Variants in NKAIN2 observed in about 807,000 individuals in gnomAD.
The protein encoded by NKAIN2 is sodium/potassium-transporting ATPase subunit beta-1-interacting protein 2.
In NKAIN2, 14 loss-of-function variants were observed where a neutral mutation model predicts 32.6. The ratio of observed to expected loss-of-function variants is 0.43; its 90% confidence interval spans 0.28 to 0.67. The LOEUF (loss-of-function observed/expected upper bound fraction) is 0.67, where lower values mean the gene tolerates loss of function less well. NKAIN2 is among the 30% of genes least tolerant of loss of function. The pLI is 0.17. For synonymous variants in NKAIN2, 80 were observed against 87.2 expected (o/e 0.92, Z 0.46); for missense variants, 198 against 258.3 (o/e 0.77, Z 1.60).
chr6:123,807,551 C>A (rs756348621), intron 1 of NKAIN2, among the ~76,000 whole-genome samples: 1 of 152,028 alleles, frequency 6.6e-6, no homozygotes, highest in Non-Finnish European at 1.5e-5. Context: ...TAACTTTCAA[C>A]TTGTGAAAGT....
At chr6:123,923,366 G>A (rs1169472030) in intron 1 of NKAIN2, among the ~76,000 whole-genome samples, 1 of 142,690 alleles carries the variant, frequency 7.0e-6, no homozygotes, top group Non-Finnish European at 1.5e-5. Context: ...TTTTTTTTTT[G>A]GCAGGAGTGG....
chr6:124,111,602 T>C (rs1042745845), intron 1 of NKAIN2, among the ~76,000 whole-genome samples: 1 of 152,058 alleles, frequency 6.6e-6, no homozygotes, highest in Admixed American at 6.6e-5. Flanking sequence ...AAATCTAAAG[T>C]TTCTTTTTTT....
At chr6:124,490,417 T>A (rs958390917) in intron 3 of NKAIN2, 16 of 412,806 alleles carry the variant, frequency 3.9e-5, no homozygotes, top group Non-Finnish European at 7.0e-5. Context: ...TAGAGGTTTT[T>A]TTTTTTTTTT....
At chr6:124,105,580 A>G (rs368345641) in intron 1 of NKAIN2, among the ~76,000 whole-genome samples, 1 of 152,212 alleles carries the variant, frequency 6.6e-6, no homozygotes, top group Admixed American at 6.5e-5. Flanking sequence ...CTGGAGAAGC[A>G]CAGAGACTTT....
chr6:124,349,680 G>T (rs1798621331), intron 2 of NKAIN2, among the ~76,000 whole-genome samples: 1 of 152,022 alleles, frequency 6.6e-6, no homozygotes, highest in Admixed American at 6.6e-5. Context: ...TACTACCTTG[G>T]TCTACCTTTC....
At chr6:123,859,327 T>C (rs535236912) in intron 1 of NKAIN2, among the ~76,000 whole-genome samples, 1 of 152,178 alleles carries the variant, frequency 6.6e-6, no homozygotes, top group Non-Finnish European at 1.5e-5. Context: ...CAAAAGATTA[T>C]GTGATGAGTT....
In NKAIN2 at chr6:124,650,351, C is replaced by T. The variant is rs191757645; in HGVS notation, c.274-7835C>T. On this transcript the variant is annotated intron_variant, in intron 3 of 6. Transcript: ENST00000368417. ...AGCCAATTGGTTTCCTTTGTACTAC[C>T]AGTAAACAGAATTTGAAATTTAAAA... is the stretch of plus-strand genomic sequence containing the variant. 1.6e-4 allele frequency among the ~76,000 whole-genome samples: 25 copies of T among 152,198 alleles called. No individual in the cohort carries two copies. In the East Asian group the frequency reaches 4.4e-3, roughly 27 times the overall value.
intron 4 of NKAIN2, among the ~76,000 whole-genome samples, chr6:124,744,070 GTTTC>G (rs1189500616): frequency 6.6e-6 from 1 of 151,726 alleles, no homozygotes; most frequent in Non-Finnish European, 1.5e-5. Flanking sequence ...GAAAATTTTT[GTTTC>G]TTTTTTTCTT....
chr6:124,508,316 G>T (rs554956888), intron 3 of NKAIN2, among the ~76,000 whole-genome samples: 1 of 151,422 alleles, frequency 6.6e-6, no homozygotes, highest in East Asian at 2.0e-4. Flanking sequence ...CAGAGAAAAT[G>T]AAATGAGCTT....
rs1171174970 is a variant in NKAIN2 at position 124,133,030 on chromosome 6, C to T, written c.55-149975C>T. 6.6e-5 allele frequency among the ~76,000 whole-genome samples: 10 copies of T among 152,094 alleles called. No homozygotes were observed. In the South Asian group the frequency reaches 1.0e-3, roughly 16 times the overall value. The stretch of plus-strand genomic sequence containing the variant: ...ACAGGGACACAATTGCAGTACTGGG[C>T]GCAGGAGGGAAAGTCTGCACCTCTA... On this transcript the variant is annotated intron_variant, in intron 1 of 6. Coordinates refer to ENST00000368417, the MANE Select transcript of NKAIN2 (RefSeq NM_001040214.3).
intron 1 of NKAIN2, among the ~76,000 whole-genome samples, chr6:124,144,760 A>C (rs1432667040): frequency 6.6e-6 from 1 of 152,188 alleles, no homozygotes; most frequent in African/African-American, 2.4e-5. Context: ...AGCATAATCT[A>C]TGAAATAAAT....
intron 3 of NKAIN2, among the ~76,000 whole-genome samples, chr6:124,647,546 A>G (rs1784225174): frequency 6.7e-6 from 1 of 149,916 alleles, no homozygotes; most frequent in East Asian, 1.9e-4. Flanking sequence ...TAGCCTAAGG[A>G]TTAATGAAAC....
intron 3 of NKAIN2, among the ~76,000 whole-genome samples, chr6:124,473,485 T>C (rs1777059775): frequency 6.6e-6 from 1 of 152,214 alleles, no homozygotes; most frequent in African/African-American, 2.4e-5. Flanking sequence ...TTTCATTCGT[T>C]GTAGTAACTA....
intron 1 of NKAIN2, among the ~76,000 whole-genome samples, chr6:123,907,724 C>G (rs1314697837): frequency 6.6e-6 from 1 of 152,148 alleles, no homozygotes; most frequent in Admixed American, 6.5e-5. Flanking sequence ...AATCCATCCC[C>G]TCATTCCCTC....
intron 4 of NKAIN2, among the ~76,000 whole-genome samples, chr6:124,735,420 T>C (rs371353688): frequency 3.9e-5 from 6 of 152,006 alleles, no homozygotes; most frequent in Admixed American, 6.6e-5. Flanking sequence ...ATAATTACTT[T>C]ATAAATTTTA....
chr6:124,229,774 G>A (rs748726741), intron 1 of NKAIN2, among the ~76,000 whole-genome samples: 1 of 152,098 alleles, frequency 6.6e-6, no homozygotes, highest in Non-Finnish European at 1.5e-5. Context: ...TGTAAAACTT[G>A]ACTTGCTCCT....
chr6:124,299,575 A>G (rs921301395), intron 2 of NKAIN2, among the ~76,000 whole-genome samples: 4 of 152,138 alleles, frequency 2.6e-5, no homozygotes, highest in Non-Finnish European at 5.9e-5. Flanking sequence ...TTGACATGAT[A>G]AAAAAATGTT....
chr6:124,547,989 T>C (rs533467388), intron 3 of NKAIN2, among the ~76,000 whole-genome samples: 1 of 152,326 alleles, frequency 6.6e-6, no homozygotes, highest in East Asian at 1.9e-4. Context: ...CTGTTTCTAA[T>C]ATGTCTCGGA....
At chr6:123,988,435 G>C (rs533398958) in intron 1 of NKAIN2, among the ~76,000 whole-genome samples, 1 of 152,194 alleles carries the variant, frequency 6.6e-6, no homozygotes, top group Non-Finnish European at 1.5e-5. Flanking sequence ...ACAGCAGCTT[G>C]TTGGTACTCT....
Sources: gnomAD v4.1 joint callset for allele counts (sites outside exome capture counted in the v4.1 genomes callset) on GRCh38, gnomAD v4.1.1 for gene constraint, MANE v1.5 for transcripts, NCBI Gene and HGNC (gene_info 2026-07-23, HGNC 2026-07-21) for gene names.